The following DNAH6 variants were observed in gnomAD, a reference collection of about 807,000 sequenced individuals.
The protein encoded by DNAH6 is dynein axonemal heavy chain 6, also known as axonemal beta dynein heavy chain 6.
In DNAH6, 340 loss-of-function variants were observed where a neutral mutation model predicts 491.4. That is an observed-to-expected ratio of 0.69 (90% CI 0.63 to 0.76). DNAH6 has a LOEUF of 0.76. Ranked by LOEUF, DNAH6 falls within the 30% of genes least tolerant of loss-of-function variation. The probability of loss-of-function intolerance (pLI) is 0.00; values close to 1 mark genes in which losing one functional copy is unlikely to be tolerated. For synonymous variants in DNAH6, 1,603 were observed against 1,686.1 expected (o/e 0.95, Z 1.21); for missense variants, 4,443 against 4,972.2 (o/e 0.89, Z 3.20).
intron 64 of DNAH6, chr2:84,777,492 CA>C: frequency 7.1e-6 from 5 of 702,166 alleles, no homozygotes; most frequent in Non-Finnish European, 1.3e-5. Context: ...AAATCTGCCA[CA>C]GAGGGTCCAA....
At chr2:84,602,241 T>A (rs1231420397) in intron 18 of DNAH6, among the ~76,000 whole-genome samples, 1 of 152,032 alleles carries the variant, frequency 6.6e-6, no homozygotes, top group East Asian at 1.9e-4. Flanking sequence ...CTAAAGAATA[T>A]CCTTTAATAT....
In DNAH6 at chr2:84,688,485, T is replaced by C. The variant is rs759897157; in HGVS notation, c.7184T>C (p.Ile2395Thr). The C allele has an allele frequency of 2.8e-5, 43 of 1,539,808 alleles. No individual in the cohort carries two copies. The highest frequency in any genetic ancestry group is 1.8e-4 in the African/African-American group (13 of 72,256). Reference protein sequence around the residue: ...ADRIYDDMPDIEKTANVLQDY... With the variant: ...ADRIYDDMPDTEKTANVLQDY... ...CGGATTTATGATGACATGCCTGATA[T>C]AGAGAAAACTGCAAATGTTCTACAG... Residue 2395 changes from isoleucine to threonine, a missense_variant, in exon 45 of 77, where the codon ATA becomes ACA. Physicochemically the swap from Ile to Thr is moderately conservative, Grantham distance 89. Around this residue, in one of 3 missense-constraint regions of DNAH6, gnomAD observed 2,977 missense variants for 3,296.6 expected, o/e 0.90. Coordinates refer to ENST00000389394, the MANE Select transcript of DNAH6 (RefSeq NM_001370.2).
In DNAH6 at chr2:84,715,565, C is replaced by T; in HGVS notation, c.9549C>T (p.Cys3183=). The T allele has an allele frequency of 1.9e-6, 3 of 1,551,288 alleles. No individual in the cohort carries two copies. The highest frequency in any genetic ancestry group is 2.6e-6 in the Non-Finnish European group (3 of 1,146,828). The change falls in exon 58 of 77, where the codon TGC becomes TGT. Residue 3183 remains cysteine (C), a synonymous_variant. Coordinates refer to ENST00000389394, the MANE Select transcript of DNAH6 (RefSeq NM_001370.2). ...ACTCTGTGCTTCTCTTCCAGGTATGCATTAAAGTTACCATTATCAATTTCA... is the reference window on the plus strand; with the variant it reads ...ACTCTGTGCTTCTCTTCCAGGTATGTATTAAAGTTACCATTATCAATTTCA... ...MPNPHYLPEV[C]IKVTIINFTV...
At chr2:84,668,067 A>G (rs2104649357) in intron 37 of DNAH6, among the ~76,000 whole-genome samples, 1 of 152,256 alleles carries the variant, frequency 6.6e-6, no homozygotes, top group South Asian at 2.1e-4. Context: ...AGGGTGGGGA[A>G]CATCACACAC....
At position 84,579,693 on chromosome 2, in the gene DNAH6, C is replaced by G. The variant is rs182902658; in HGVS notation, c.2229+14C>G. 6.5e-7 allele frequency: 1 copy of G among 1,545,420 alleles called. No homozygotes were observed. Among genetic ancestry groups the G allele is most frequent in the Admixed American group, 2.0e-5 (1 of 49,278 alleles). Reference sequence around the variant, plus strand: ...ATTCAGGAACGGGTGAGTTGATTATCTCATATAACTCAATATTCCAGATCT... The same window carrying G: ...ATTCAGGAACGGGTGAGTTGATTATGTCATATAACTCAATATTCCAGATCT... On this transcript the variant is annotated intron_variant, in intron 14 of 76. Coordinates refer to ENST00000389394, the MANE Select transcript of DNAH6 (RefSeq NM_001370.2).
At chr2:84,773,276 C>G (rs1453421005) in intron 64 of DNAH6, among the ~76,000 whole-genome samples, 1 of 151,858 alleles carries the variant, frequency 6.6e-6, no homozygotes, top group African/African-American at 2.4e-5. Context: ...CCATGTGTAC[C>G]CATTGTTTAG....
In DNAH6 at chr2:84,667,866, T is replaced by A. The variant is rs188782794; in HGVS notation, c.6085-1423T>A. Among the ~76,000 whole-genome samples, 402 of 152,276 alleles carry A rather than the reference T, an allele frequency of 2.6e-3. 20 individuals are homozygous for A. In the East Asian group the frequency reaches 0.064, roughly 24 times the overall value. On this transcript the variant is annotated intron_variant, in intron 37 of 76. Transcript: ENST00000389394. ...AATGTCCATCAATGATAGACTGGATTAAGAAAATGTGGCACATATACACCA... is the reference window on the plus strand; with the variant it reads ...AATGTCCATCAATGATAGACTGGATAAAGAAAATGTGGCACATATACACCA...
chr2:84,643,899 T>C, intron 33 of DNAH6, among the ~76,000 whole-genome samples: 1 of 134,578 alleles, frequency 7.4e-6, no homozygotes, highest in East Asian at 1.9e-4. Flanking sequence ...TCAAATTGTG[T>C]TTTTTTTTGT....
chr2:84,631,930 T>C (rs1371994884), intron 29 of DNAH6, among the ~76,000 whole-genome samples: 1 of 152,216 alleles, frequency 6.6e-6, no homozygotes, highest in Admixed American at 6.5e-5. Context: ...CCAAATCCTA[T>C]GACAAGTCCT....
chr2:84,485,848 C>T, the DNAH6 span, among the ~76,000 whole-genome samples: 5 of 151,816 alleles, frequency 3.3e-5, no homozygotes, highest in African/African-American at 4.8e-5. Context: ...GATTCCTGCT[C>T]ATCTGTGGGA....
At chr2:84,647,088 C>T (rs1199409090) in intron 33 of DNAH6, among the ~76,000 whole-genome samples, 3 of 152,088 alleles carry the variant, frequency 2.0e-5, no homozygotes, top group Non-Finnish European at 2.9e-5. Context: ...CTCAAGTGAT[C>T]AGCCCGCCTC....
At chr2:84,621,839 A>G (rs1178464134) in intron 26 of DNAH6, among the ~76,000 whole-genome samples, 1 of 152,152 alleles carries the variant, frequency 6.6e-6, no homozygotes. Context: ...TTAAGGACAA[A>G]CTGTATTCAC....
chr2:84,606,164 A>T (rs1364624352), intron 20 of DNAH6, among the ~76,000 whole-genome samples: 1 of 152,198 alleles, frequency 6.6e-6, no homozygotes, highest in African/African-American at 2.4e-5. Context: ...TGTTTAGCAA[A>T]GGGAGCTGGG....
At chr2:84,784,064 C>A (rs1676952104) in intron 65 of DNAH6, among the ~76,000 whole-genome samples, 1 of 152,214 alleles carries the variant, frequency 6.6e-6, no homozygotes, top group Non-Finnish European at 1.5e-5. Flanking sequence ...TACTTAAAAA[C>A]CAATGCCAAG....
intron 58 of DNAH6, among the ~76,000 whole-genome samples, chr2:84,717,141 G>A (rs746433973): frequency 3.9e-5 from 6 of 152,148 alleles, no homozygotes; most frequent in Admixed American, 6.5e-5. Flanking sequence ...ACCTCCTTCT[G>A]TCTTCCTTTC....
In DNAH6 at chr2:84,606,949, A is replaced by G. The variant is rs558809916; in HGVS notation, c.3175-27A>G. 6.5e-6 allele frequency: 10 copies of G among 1,545,642 alleles called. No homozygotes were observed. In the East Asian group the frequency reaches 2.2e-4, roughly 34 times the overall value. ...TGAAAGCACAAATACTGGGTGCTGCATGTATTTTCTTCCCCTTCCTTTAAA... is the reference window on the plus strand; with the variant it reads ...TGAAAGCACAAATACTGGGTGCTGCGTGTATTTTCTTCCCCTTCCTTTAAA... On this transcript the variant is annotated intron_variant, in intron 20 of 76. Coordinates refer to ENST00000389394, the MANE Select transcript of DNAH6 (RefSeq NM_001370.2).
At position 84,701,234 on chromosome 2, in the gene DNAH6, T is replaced by C. The variant is rs2104824426; in HGVS notation, c.7956T>C (p.Tyr2652=). ...GTGTCTCCAGCATGGCAGAGCGCTA[T>C]TACAATGAGCTGCGCAGGCGGTACT... is the stretch of plus-strand genomic sequence containing the variant. The part of the protein sequence containing the change: ...HLSVSSMAER[Y]YNELRRRYYT... The change falls in exon 49 of 77, where the codon TAT becomes TAC. Residue 2652 remains tyrosine (Y), a synonymous_variant. Coordinates refer to ENST00000389394, the MANE Select transcript of DNAH6 (RefSeq NM_001370.2). 1 of 1,551,804 alleles carries C rather than the reference T, an allele frequency of 6.4e-7. No homozygotes were observed. The highest frequency in any genetic ancestry group is 8.7e-7 in the Non-Finnish European group (1 of 1,147,014).
intron 59 of DNAH6, among the ~76,000 whole-genome samples, chr2:84,720,138 A>G (rs1359411192): frequency 1.3e-5 from 2 of 151,850 alleles, no homozygotes; most frequent in African/African-American, 4.8e-5. Flanking sequence ...CTCCAAAGGA[A>G]ATTTCTATTT....
chr2:84,611,617 A>G, intron 21 of DNAH6, 57 bp from the exon 22 acceptor site: 1 of 1,414,640 alleles, frequency 7.1e-7, no homozygotes, highest in Admixed American at 2.0e-5. Context: ...TTTTACTGTA[A>G]CCATATGTTT....
Sources: gnomAD v4.1 joint callset for allele counts (sites outside exome capture counted in the v4.1 genomes callset) on GRCh38, gnomAD v4.1.1 for gene constraint, gnomAD v4.1.1 regional missense constraint, MANE v1.5 for transcripts, NCBI Gene and HGNC (gene_info 2026-07-23, HGNC 2026-07-21) for gene names.